The following CAST variants were observed in gnomAD, a reference collection of about 807,000 sequenced individuals.
The protein encoded by CAST is MIR583 host.
In CAST, 76 loss-of-function variants were observed where a neutral mutation model predicts 119.6. The observed-to-expected ratio is 0.64, with a 90% CI of 0.53 to 0.77. The LOEUF (loss-of-function observed/expected upper bound fraction) is 0.77, where lower values mean the gene tolerates loss of function less well. Ranked by LOEUF, CAST falls within the 30% of genes least tolerant of loss-of-function variation. CAST has a pLI of 0.00. For synonymous variants in CAST, 319 were observed against 331.6 expected (o/e 0.96, Z 0.41); for missense variants, 953 against 946.5 (o/e 1.01, Z -0.09).
chr5:96,003,241 T>TA, the CAST span, among the ~76,000 whole-genome samples: 1 of 144,246 alleles, frequency 6.9e-6, no homozygotes, highest in African/African-American at 2.6e-5. Flanking sequence ...TTCTGTCTCT[T>TA]AAAAAAATCA....
At chr5:96,363,868 T>C in the CAST span, among the ~76,000 whole-genome samples, 4 of 152,164 alleles carry the variant, frequency 2.6e-5, no homozygotes, top group African/African-American at 9.7e-5. Context: ...TCCAACATTA[T>C]GTTGAATAGG....
At chr5:96,151,671 T>C in the CAST span, among the ~76,000 whole-genome samples, 1 of 152,126 alleles carries the variant, frequency 6.6e-6, no homozygotes, top group Non-Finnish European at 1.5e-5. Context: ...GTCCAGGCAG[T>C]GGGAACAGTA....
intron 1 of CAST, among the ~76,000 whole-genome samples, chr5:96,533,246 GT>G (rs971216927): frequency 6.6e-6 from 1 of 152,040 alleles, no homozygotes; most frequent in Non-Finnish European, 1.5e-5. Context: ...TATAAATTTT[GT>G]GCTGTAAGAA....
chr5:96,273,220 T>C, the CAST span, among the ~76,000 whole-genome samples: 1 of 152,208 alleles, frequency 6.6e-6, no homozygotes, highest in Non-Finnish European at 1.5e-5. Context: ...AGATAACTTT[T>C]CTATTATTGG....
chr5:96,670,541 A>G (rs953480170), intron 1 of CAST, among the ~76,000 whole-genome samples: 1 of 151,906 alleles, frequency 6.6e-6, no homozygotes, highest in African/African-American at 2.4e-5. Context: ...CTCGTTACTC[A>G]GGCTGGAGTG....
At chr5:96,113,803 ACTC>A in the CAST span, among the ~76,000 whole-genome samples, 1 of 151,804 alleles carries the variant, frequency 6.6e-6, no homozygotes, top group Non-Finnish European at 1.5e-5. Context: ...TCTGACTAAG[ACTC>A]CTCCTTAGTC....
At chr5:96,226,480 G>C in the CAST span, among the ~76,000 whole-genome samples, 2 of 151,922 alleles carry the variant, frequency 1.3e-5, no homozygotes, top group African/African-American at 4.8e-5. Flanking sequence ...GCAAAACCCT[G>C]TCTCTATAAA....
intron 3 of CAST, among the ~76,000 whole-genome samples, chr5:96,701,991 T>A (rs1753965726): frequency 6.6e-6 from 1 of 152,010 alleles, no homozygotes; most frequent in African/African-American, 2.4e-5. Context: ...CCTGGTGGGG[T>A]ACAAAGCTGT....
intron 1 of CAST, among the ~76,000 whole-genome samples, chr5:96,582,007 G>A (rs1321487052): frequency 6.6e-6 from 1 of 152,200 alleles, no homozygotes; most frequent in Non-Finnish European, 1.5e-5. Context: ...TGCCTCCCAA[G>A]GGTGGGATGA....
At chr5:96,165,106 C>G in the CAST span, among the ~76,000 whole-genome samples, 4 of 151,956 alleles carry the variant, frequency 2.6e-5, no homozygotes, top group Non-Finnish European at 5.9e-5. Flanking sequence ...CGAGAGCGGT[C>G]AGATAAGTGG....
chr5:96,324,563 C>A, the CAST span, among the ~76,000 whole-genome samples: 1 of 152,196 alleles, frequency 6.6e-6, no homozygotes, highest in African/African-American at 2.4e-5. Context: ...CTCCTCATTT[C>A]ATCTTGTGGT....
the CAST span, among the ~76,000 whole-genome samples, chr5:96,157,993 A>G: frequency 6.6e-6 from 1 of 152,150 alleles, no homozygotes; most frequent in African/African-American, 2.4e-5. Context: ...CCAGGGTGAA[A>G]GTCACACAAA....
chr5:96,193,890 C>T, the CAST span, among the ~76,000 whole-genome samples: 1 of 152,088 alleles, frequency 6.6e-6, no homozygotes, highest in Non-Finnish European at 1.5e-5. Flanking sequence ...CTGGATAATA[C>T]TTTTTAACAG....
At chr5:96,561,323 T>C (rs188751518) in intron 1 of CAST, among the ~76,000 whole-genome samples, 32 of 151,442 alleles carry the variant, frequency 2.1e-4, no homozygotes, top group African/African-American at 7.0e-4. Context: ...ACCTGCACTT[T>C]GTGTACACGT....
At chr5:95,966,848 G>A in the CAST span, among the ~76,000 whole-genome samples, 1 of 152,116 alleles carries the variant, frequency 6.6e-6, no homozygotes, top group African/African-American at 2.4e-5. Context: ...GGAGGCAAAA[G>A]GACTCAGATT....
the CAST span, among the ~76,000 whole-genome samples, chr5:96,243,898 G>A: frequency 1.3e-5 from 2 of 152,152 alleles, no homozygotes; most frequent in East Asian, 1.9e-4. Flanking sequence ...CTATGAGAGT[G>A]TTCTTTTCCT....
chr5:96,328,458 A>C, the CAST span, among the ~76,000 whole-genome samples: 1 of 143,276 alleles, frequency 7.0e-6, no homozygotes, highest in South Asian at 2.2e-4. Context: ...AGAACTGAAT[A>C]TCCATTTGCT....
At chr5:96,646,090 T>C (rs1748011423) in intron 1 of CAST, among the ~76,000 whole-genome samples, 1 of 152,140 alleles carries the variant, frequency 6.6e-6, no homozygotes, top group Middle Eastern at 3.2e-3. Flanking sequence ...AATGTTTTTG[T>C]CGCATTACAT....
the CAST span, among the ~76,000 whole-genome samples, chr5:96,226,706 T>C: frequency 1.3e-5 from 2 of 152,170 alleles, no homozygotes; most frequent in African/African-American, 4.8e-5. Flanking sequence ...TCTGTTTTAT[T>C]GCAGATAGTA....
Sources: allele counts gnomAD v4.1 joint callset (sites outside exome capture counted in the v4.1 genomes callset), GRCh38; gene constraint gnomAD v4.1.1; transcripts MANE v1.5; gene names NCBI Gene and HGNC (gene_info 2026-07-23, HGNC 2026-07-21).